BMPR1B: variants seen among roughly 807,000 people sequenced by gnomAD.
BMPR1B encodes bone morphogenetic protein receptor type 1B.
BMPR1B carries 12 observed loss-of-function variants against 59.1 expected under a neutral mutation model. That is an observed-to-expected ratio of 0.20 (90% CI 0.13 to 0.33). BMPR1B has a LOEUF of 0.33. Among genes scored for constraint, BMPR1B ranks in the 10% least tolerant of loss-of-function variants. BMPR1B has a pLI of 1.00. For synonymous variants in BMPR1B, 237 were observed against 207.3 expected (o/e 1.14, Z -1.23); for missense variants, 550 against 610.9 (o/e 0.90, Z 1.05).
At chr4:94,919,703 C>T (rs1350276085) in intron 2 of BMPR1B, among the ~76,000 whole-genome samples, 1 of 152,180 alleles carries the variant, frequency 6.6e-6, no homozygotes, top group Non-Finnish European at 1.5e-5. Context: ...CTTCCCTTTT[C>T]ATCATAGGCT....
intron 3 of BMPR1B, among the ~76,000 whole-genome samples, chr4:95,030,783 G>A (rs998305113): frequency 6.6e-6 from 1 of 152,050 alleles, no homozygotes; most frequent in South Asian, 2.1e-4. Flanking sequence ...GCTTCAAAGA[G>A]AATAAAATAC....
intron 4 of BMPR1B, among the ~76,000 whole-genome samples, chr4:95,110,071 G>A (rs1731521706): frequency 6.6e-6 from 1 of 151,838 alleles, no homozygotes; most frequent in African/African-American, 2.4e-5. Context: ...CCAGTTTGTT[G>A]CTGGAGTTAA....
chr4:95,008,284 T>A (rs1241900052), intron 3 of BMPR1B, among the ~76,000 whole-genome samples: 1 of 152,154 alleles, frequency 6.6e-6, no homozygotes, highest in Non-Finnish European at 1.5e-5. Context: ...TGGAGTGAAT[T>A]TGTCACCTCG....
intron 1 of BMPR1B, among the ~76,000 whole-genome samples, chr4:94,841,233 C>T (rs1238503772): frequency 6.7e-6 from 1 of 148,826 alleles, no homozygotes; most frequent in African/African-American, 2.5e-5. Flanking sequence ...TGTGCCCTGC[C>T]CCCAGAGGTG....
chr4:95,084,648 G>A (rs1006444705), intron 3 of BMPR1B, among the ~76,000 whole-genome samples: 4 of 152,160 alleles, frequency 2.6e-5, no homozygotes. Context: ...CATCCAGGGA[G>A]TGTGGTCATG....
intron 3 of BMPR1B, among the ~76,000 whole-genome samples, chr4:95,051,443 C>T (rs1726493509): frequency 6.6e-6 from 1 of 152,096 alleles, no homozygotes; most frequent in South Asian, 2.1e-4. Flanking sequence ...GGGTCAGGCT[C>T]CTTTCTTAAG....
intron 2 of BMPR1B, among the ~76,000 whole-genome samples, chr4:94,887,868 A>T (rs141152647): frequency 6.6e-6 from 1 of 152,172 alleles, no homozygotes; most frequent in African/African-American, 2.4e-5. Flanking sequence ...TCAGAAATAG[A>T]AAAAAATCGG....
chr4:94,831,576 C>T (rs1349381314), intron 1 of BMPR1B, among the ~76,000 whole-genome samples: 2 of 152,064 alleles, frequency 1.3e-5, no homozygotes, highest in Admixed American at 6.5e-5. Flanking sequence ...TACAAGTGTA[C>T]CATTTTTTAT....
intron 1 of BMPR1B, among the ~76,000 whole-genome samples, chr4:94,767,969 A>T (rs1722031072): frequency 6.6e-6 from 1 of 152,102 alleles, no homozygotes. Context: ...TAAGACTGAG[A>T]TAAACAGCCA....
intron 3 of BMPR1B, among the ~76,000 whole-genome samples, chr4:95,066,130 TAA>T (rs1304903418): frequency 6.6e-6 from 1 of 152,186 alleles, no homozygotes; most frequent in African/African-American, 2.4e-5. Context: ...CCTCACAGAA[TAA>T]AAGATTCTCT....
intron 12 of BMPR1B, among the ~76,000 whole-genome samples, chr4:95,154,022 T>C (rs1288419503): frequency 6.6e-6 from 1 of 152,208 alleles, no homozygotes; most frequent in Admixed American, 6.5e-5. Flanking sequence ...CACTGAGGAT[T>C]TCTTATGAAG....
chr4:94,891,999 G>T (rs748690422), intron 2 of BMPR1B, among the ~76,000 whole-genome samples: 1 of 151,958 alleles, frequency 6.6e-6, no homozygotes, highest in African/African-American at 2.4e-5. Context: ...GACATATAAA[G>T]CACTGTCTTG....
chr4:94,760,744 T>C (rs1018615110), intron 1 of BMPR1B, among the ~76,000 whole-genome samples: 1 of 152,222 alleles, frequency 6.6e-6, no homozygotes, highest in African/African-American at 2.4e-5. Context: ...TGTCCCTTGT[T>C]TCTTTTTCTC....
intron 2 of BMPR1B, among the ~76,000 whole-genome samples, chr4:94,932,663 G>C (rs558827933): frequency 6.6e-6 from 1 of 152,066 alleles, no homozygotes; most frequent in Non-Finnish European, 1.5e-5. Flanking sequence ...CTTAGAGGAT[G>C]AATTCCAGAG....
intron 1 of BMPR1B, among the ~76,000 whole-genome samples, chr4:94,874,961 C>G (rs1180509020): frequency 1.3e-5 from 2 of 152,102 alleles, no homozygotes; most frequent in Admixed American, 6.5e-5. Context: ...CCACTGTAGT[C>G]CAGCCTGGGC....
At chr4:94,782,085 C>T (rs1175662340) in intron 1 of BMPR1B, among the ~76,000 whole-genome samples, 1 of 151,010 alleles carries the variant, frequency 6.6e-6, no homozygotes, top group Non-Finnish European at 1.5e-5. Context: ...ATTTGTTTTG[C>T]TTCTTTTTTT....
intron 3 of BMPR1B, among the ~76,000 whole-genome samples, chr4:95,038,517 A>G (rs1418481161): frequency 6.6e-6 from 1 of 152,196 alleles, no homozygotes; most frequent in African/African-American, 2.4e-5. Flanking sequence ...TATGCAACCA[A>G]TGTAGAGTGA....
chr4:95,045,239 T>A (rs537278627), intron 3 of BMPR1B, among the ~76,000 whole-genome samples: 1 of 152,342 alleles, frequency 6.6e-6, no homozygotes, highest in East Asian at 1.9e-4. Flanking sequence ...TTTTCTTAGA[T>A]ACAAAGGAAA....
At chr4:95,115,154 T>C (rs558205490) in intron 5 of BMPR1B, among the ~76,000 whole-genome samples, 4 of 152,280 alleles carry the variant, frequency 2.6e-5, no homozygotes, top group South Asian at 4.1e-4. Flanking sequence ...GGCCTATGTG[T>C]GTAGTAGGCT....
Sources: allele counts gnomAD v4.1 joint callset (sites outside exome capture counted in the v4.1 genomes callset), GRCh38; gene constraint gnomAD v4.1.1; transcripts MANE v1.5; gene names NCBI Gene and HGNC (gene_info 2026-07-23, HGNC 2026-07-21).